SENP5: variants seen among roughly 807,000 people sequenced by gnomAD.
SENP5 encodes the protein SUMO specific peptidase 5.
Under a neutral mutation model 74.2 loss-of-function variants are expected in SENP5, and 21 were observed. That is an observed-to-expected ratio of 0.28 (90% CI 0.20 to 0.41). The LOEUF (loss-of-function observed/expected upper bound fraction) is 0.41. Among genes scored for constraint, SENP5 ranks in the 10% least tolerant of loss-of-function variants. SENP5 has a pLI of 1.00. For missense variants in SENP5, 717 were observed against 889.1 expected (o/e 0.81, Z 2.46); for synonymous variants, 311 against 312.7 (o/e 0.99, Z 0.06).
intron 2 of SENP5, among the ~76,000 whole-genome samples, chr3:196,887,764 CTTTT>C (rs1374487226): frequency 6.6e-6 from 1 of 151,914 alleles, no homozygotes; most frequent in Non-Finnish European, 1.5e-5. Context: ...ACTTATCTGT[CTTTT>C]TTTATTTTTT....
chr3:196,923,618 A>G, intron 7 of SENP5, 67 bp downstream of exon 7: 11 of 1,088,722 alleles, frequency 1.0e-5, no homozygotes, highest in Non-Finnish European at 4.1e-6. Flanking sequence ...TTAGCTCTAG[A>G]TAGAACAGCA....
At position 196,913,647 on chromosome 3, in the gene SENP5, CT is replaced by C. The variant is rs1229412806; in HGVS notation, c.1885-9745del. ...GTGATGAAAAGGTTTATAAGAAAGGCTTTTTTTTTTTTTTTTTTTTTTGATG... is the reference window on the plus strand; with the variant it reads ...GTGATGAAAAGGTTTATAAGAAAGGCTTTTTTTTTTTTTTTTTTTTTGATG... On this transcript the variant is annotated intron_variant, in intron 6 of 9. Transcript: ENST00000323460. Among the ~76,000 whole-genome samples, 387 of 98,076 alleles carry C rather than the reference CT, an allele frequency of 3.9e-3. 1 individual carries two copies. Among genetic ancestry groups the C allele is most frequent in the Middle Eastern group, 0.014 (2 of 140 alleles). 64.3% of individuals were successfully genotyped at this position (98,076 alleles called of 152,430 possible). A position where few individuals can be genotyped will look rare whatever the true frequency, so the allele number is the denominator to read the frequency against.
In SENP5 at chr3:196,900,350, G is replaced by A; in HGVS notation, c.1759-15G>A. On this transcript the variant is annotated splice_polypyrimidine_tract_variant and intron_variant, in intron 4 of 9. Coordinates refer to ENST00000323460, the MANE Select transcript of SENP5 (RefSeq NM_152699.5). Reference sequence around the variant, plus strand: ...GGCAGAGATAGTAAGCTGGTTTTATGTTGACTTTTTATAGGTCATTAATAT... The same window carrying A: ...GGCAGAGATAGTAAGCTGGTTTTATATTGACTTTTTATAGGTCATTAATAT... The A allele has an allele frequency of 6.3e-7, 1 of 1,595,670 alleles. No individual in the cohort carries two copies. Among genetic ancestry groups the A allele is most frequent in the Non-Finnish European group, 8.5e-7 (1 of 1,173,852 alleles).
At chr3:196,870,954 A>C (rs946420238) in intron 1 of SENP5, among the ~76,000 whole-genome samples, 4 of 151,322 alleles carry the variant, frequency 2.6e-5, no homozygotes, top group Admixed American at 2.0e-4. Context: ...GTGGATCACG[A>C]GTCAGGAGTT....
chr3:196,917,626 A>T (rs1244730852), intron 6 of SENP5, among the ~76,000 whole-genome samples: 1 of 152,246 alleles, frequency 6.6e-6, no homozygotes. Context: ...CAGACATCTC[A>T]GTGGAAACTT....
intron 2 of SENP5, among the ~76,000 whole-genome samples, chr3:196,891,872 C>T (rs759991584): frequency 2.6e-5 from 4 of 151,526 alleles, no homozygotes; most frequent in Non-Finnish European, 5.9e-5. Flanking sequence ...CTTACTGCAA[C>T]CTCTGCCTTC....
At chr3:196,914,580 A>T (rs1490416614) in intron 6 of SENP5, 144 of 70,078 alleles carry the variant, frequency 2.1e-3, no homozygotes, top group East Asian at 0.014. Flanking sequence ...AAAAAAAAAA[A>T]AAAAAAATAT....
intron 1 of SENP5, among the ~76,000 whole-genome samples, chr3:196,882,871 G>C (rs1432142759): frequency 1.3e-5 from 2 of 151,592 alleles, no homozygotes; most frequent in African/African-American, 4.8e-5. Context: ...GGTGGAATGT[G>C]TCAACTTTGG....
intron 7 of SENP5, among the ~76,000 whole-genome samples, chr3:196,926,212 G>A (rs1281942704): frequency 6.6e-6 from 1 of 152,146 alleles, no homozygotes; most frequent in Non-Finnish European, 1.5e-5. Flanking sequence ...GGCCGGGCAG[G>A]GTGGCTCACG....
In SENP5 at chr3:196,886,120, T is replaced by C; in HGVS notation, c.939T>C (p.Ser313=). Residue 313 remains serine (S), a synonymous_variant, in exon 2 of 10, where the codon AGT becomes AGC. Coordinates refer to ENST00000323460, the MANE Select transcript of SENP5 (RefSeq NM_152699.5). ...CGTACTTTCCAGATATGGACAGCAGTGCTGTGGTGAAGGGGACGAACTCTC... is the reference window on the plus strand; with the variant it reads ...CGTACTTTCCAGATATGGACAGCAGCGCTGTGGTGAAGGGGACGAACTCTC... ...HQPYFPDMDS[S]AVVKGTNSHV... is the part of the protein sequence containing the mutation. The C allele has an allele frequency of 6.2e-7, 1 of 1,614,218 alleles. No homozygotes were observed. Among genetic ancestry groups the C allele is most frequent in the Non-Finnish European group, 8.5e-7 (1 of 1,180,044 alleles).
rs778921980 is a variant in SENP5, at chr3:196,903,630, T to A, written c.1884+20T>A. ...AAAAAGGTATTCTCTTTATTTCTTT[T>A]TTATTCCAAATTTGAAACGCAGATG... On this transcript the variant is annotated intron_variant, in intron 6 of 9. Transcript: ENST00000323460. The A allele has an allele frequency of 6.7e-7, 1 of 1,503,524 alleles. No homozygotes were observed. Among genetic ancestry groups the A allele is most frequent in the Non-Finnish European group, 9.1e-7 (1 of 1,097,032 alleles). The allele number at this position is 1,503,524 out of a possible 1,614,324, so 93.1% of individuals were successfully genotyped here. A position where few individuals can be genotyped will look rare whatever the true frequency, so the allele number is the denominator to read the frequency against.
intron 2 of SENP5, among the ~76,000 whole-genome samples, chr3:196,896,112 A>C (rs1714430317): frequency 6.6e-6 from 1 of 152,134 alleles, no homozygotes; most frequent in Non-Finnish European, 1.5e-5. Context: ...GAGTAAAATA[A>C]ATTGTATATA....
At chr3:196,899,211 C>T (rs1714593749) in intron 2 of SENP5, among the ~76,000 whole-genome samples, 1 of 152,036 alleles carries the variant, frequency 6.6e-6, no homozygotes, top group African/African-American at 2.4e-5. Context: ...AAAGTACATA[C>T]CTTTACCAAA....
rs80214980 is a variant in SENP5, at chr3:196,877,269, C to T, written c.-31-7882C>T. ...CATGATCTTGGCTCACTGCAGCCTC[C>T]ACTCCCTGGTTGAAGCGATTCTTCT... On this transcript the variant is annotated intron_variant, in intron 1 of 9. Coordinates refer to ENST00000323460, the MANE Select transcript of SENP5 (RefSeq NM_152699.5). Among the ~76,000 whole-genome samples, 417 of 152,164 alleles carry T rather than the reference C, an allele frequency of 2.7e-3. 2 individuals are homozygous for T. The highest frequency in any genetic ancestry group is 9.6e-3 in the African/African-American group (397 of 41,510).
At chr3:196,894,809 A>G (rs936213143) in intron 2 of SENP5, among the ~76,000 whole-genome samples, 13 of 152,284 alleles carry the variant, frequency 8.5e-5, no homozygotes, top group Admixed American at 7.2e-4. Context: ...TTTTGTCCCA[A>G]GGTAAATTTT....
At position 196,934,694 on chromosome 3, in the gene SENP5, T is replaced by TA. The variant is rs1473679075; in HGVS notation, c.*3774dup. On this transcript the variant is annotated 3_prime_UTR_variant, in exon 10 of 10. Transcript: ENST00000323460. Reference sequence around the variant, plus strand: ...TCTAGCAAAGTATTTTTTTGAAAAATAAACTAAATGCCTTTATAAACTTGT... The same window carrying TA: ...TCTAGCAAAGTATTTTTTTGAAAAATAAAACTAAATGCCTTTATAAACTTGT... 2 of 152,190 alleles carry TA rather than the reference T, an allele frequency of 1.3e-5. No individual in the cohort carries two copies. Among genetic ancestry groups the TA allele is most frequent in the Non-Finnish European group, 2.9e-5 (2 of 68,026 alleles). 9.4% of individuals were successfully genotyped at this position (152,190 alleles called of 1,614,324 possible).
intron 2 of SENP5, among the ~76,000 whole-genome samples, chr3:196,894,961 T>C (rs1310763827): frequency 6.6e-6 from 1 of 152,230 alleles, no homozygotes; most frequent in Non-Finnish European, 1.5e-5. Context: ...CACTTAGGTT[T>C]TGCGCATTGC....
chr3:196,868,399 G>C (rs1384010901), intron 1 of SENP5, among the ~76,000 whole-genome samples: 2 of 152,258 alleles, frequency 1.3e-5, no homozygotes, highest in African/African-American at 2.4e-5. Context: ...CAGGCCTCCA[G>C]CTCCGGCCGC....
intron 1 of SENP5, among the ~76,000 whole-genome samples, chr3:196,868,679 C>T (rs778473020): frequency 6.6e-6 from 1 of 152,190 alleles, no homozygotes; most frequent in Non-Finnish European, 1.5e-5. Context: ...ACCCTGCTCT[C>T]TGGTAGTGTT....
Sources: allele counts gnomAD v4.1 joint callset (sites outside exome capture counted in the v4.1 genomes callset), GRCh38; gene constraint gnomAD v4.1.1; transcripts MANE v1.5; gene names NCBI Gene and HGNC (gene_info 2026-07-23, HGNC 2026-07-21).